Variants in SV2C observed in about 807,000 individuals in gnomAD.
SV2C encodes synaptic vesicle glycoprotein 2C, also known as solute carrier family 22 member B3.
SV2C carries 49 observed loss-of-function variants against 79.7 expected under a neutral mutation model. That is an observed-to-expected ratio of 0.61 (90% CI 0.49 to 0.78). The LOEUF (loss-of-function observed/expected upper bound fraction) is 0.78. Ranked by LOEUF, SV2C falls within the 30% of genes least tolerant of loss-of-function variation. The probability of loss-of-function intolerance (pLI) is 0.00; values close to 1 mark genes in which losing one functional copy is unlikely to be tolerated. For missense variants in SV2C, 833 were observed against 912.9 expected (o/e 0.91, Z 1.13); for synonymous variants, 334 against 333.2 (o/e 1.00, Z -0.03).
chr5:75,864,502 GTTATACTCCTTTT>G, the SV2C span, among the ~76,000 whole-genome samples: 6 of 152,278 alleles, frequency 3.9e-5, no homozygotes, highest in East Asian at 1.2e-3. Context: ...TGTTACATCT[GTTATACTCCTTTT>G]TCCTGACTGG....
chr5:75,927,628 G>A, the SV2C span, among the ~76,000 whole-genome samples: 2 of 152,142 alleles, frequency 1.3e-5, no homozygotes, highest in African/African-American at 4.8e-5. Flanking sequence ...CTAAATGGAA[G>A]AGGATAATCT....
chr5:76,032,931 T>C, the SV2C span, among the ~76,000 whole-genome samples: 2 of 152,242 alleles, frequency 1.3e-5, no homozygotes, highest in African/African-American at 2.4e-5. Flanking sequence ...TTTTTAATGA[T>C]TGCCATTCTA....
At chr5:76,116,431 A>G (rs1176745498) in intron 1 of SV2C, among the ~76,000 whole-genome samples, 1 of 152,184 alleles carries the variant, frequency 6.6e-6, no homozygotes, top group African/African-American at 2.4e-5. Flanking sequence ...TTTTAAACCC[A>G]GGAGAGGGAA....
At chr5:75,900,135 A>T in the SV2C span, among the ~76,000 whole-genome samples, 1 of 152,140 alleles carries the variant, frequency 6.6e-6, no homozygotes, top group Non-Finnish European at 1.5e-5. Flanking sequence ...TTTGCTTGTT[A>T]GTTGATGCAG....
intron 12 of SV2C, among the ~76,000 whole-genome samples, chr5:76,317,422 C>G (rs1395442569): frequency 1.3e-5 from 2 of 151,198 alleles, no homozygotes; most frequent in Admixed American, 1.3e-4. Flanking sequence ...TTATTCTAGA[C>G]AAAAAGAACC....
rs191864971 is a variant in SV2C at position 76,302,888 on chromosome 5, A to T, written c.2000+1343A>T. 4.8e-4 allele frequency among the ~76,000 whole-genome samples: 73 copies of T among 152,276 alleles called. No individual in the cohort carries two copies. In the East Asian group the frequency reaches 0.014, roughly 29 times the overall value. ...TATTATCTGGACTTTGAAATGTAGG[A>T]GAGTTTTTTCCTAGAACTATGCCAA... is the stretch of plus-strand genomic sequence containing the variant. On this transcript the variant is annotated intron_variant, in intron 12 of 12. Coordinates refer to ENST00000502798, the MANE Select transcript of SV2C (RefSeq NM_014979.4).
chr5:76,220,392 C>T (rs529076501), intron 4 of SV2C, among the ~76,000 whole-genome samples: 2 of 152,188 alleles, frequency 1.3e-5, no homozygotes, highest in Non-Finnish European at 1.5e-5. Flanking sequence ...GAATTGACAG[C>T]CGGGTGCAGT....
At chr5:76,218,989 A>G (rs1051055700) in intron 4 of SV2C, among the ~76,000 whole-genome samples, 1 of 152,256 alleles carries the variant, frequency 6.6e-6, no homozygotes, top group African/African-American at 2.4e-5. Flanking sequence ...AGTTGTGGAG[A>G]TGGATAAGAA....
the SV2C span, among the ~76,000 whole-genome samples, chr5:76,053,112 CAA>C: frequency 6.4e-5 from 9 of 139,538 alleles, no homozygotes; most frequent in Non-Finnish European, 9.5e-5. Context: ...CAATATGGGC[CAA>C]AAAAAAAAAA....
intron 2 of SV2C, among the ~76,000 whole-genome samples, chr5:76,133,477 A>G (rs1748971271): frequency 6.6e-6 from 1 of 152,226 alleles, no homozygotes; most frequent in Non-Finnish European, 1.5e-5. Flanking sequence ...GTGACAACAC[A>G]AGAGAGATAC....
At chr5:76,300,459 A>G (rs1408597198) in intron 10 of SV2C, among the ~76,000 whole-genome samples, 2 of 152,196 alleles carry the variant, frequency 1.3e-5, no homozygotes, top group African/African-American at 4.8e-5. Context: ...ATGGCCGACC[A>G]TAGGAAATCA....
chr5:76,200,536 C>T (rs1744410689), intron 3 of SV2C, among the ~76,000 whole-genome samples: 1 of 152,226 alleles, frequency 6.6e-6, no homozygotes, highest in Non-Finnish European at 1.5e-5. Context: ...AAAAATGCTA[C>T]AGATTTCCAG....
chr5:75,898,387 T>C, the SV2C span, among the ~76,000 whole-genome samples: 856 of 152,342 alleles, frequency 5.6e-3, 3 homozygotes, highest in African/African-American at 0.019. Flanking sequence ...TTTGCTTATA[T>C]TGAACCAGCC....
At chr5:76,113,223 C>T (rs1285743906) in intron 1 of SV2C, among the ~76,000 whole-genome samples, 1 of 152,240 alleles carries the variant, frequency 6.6e-6, no homozygotes. Flanking sequence ...CGACCTCACT[C>T]CATAATATCA....
the SV2C span, among the ~76,000 whole-genome samples, chr5:75,869,983 A>G: frequency 1.3e-5 from 2 of 152,170 alleles, no homozygotes; most frequent in Non-Finnish European, 2.9e-5. Context: ...TACAGCCTAT[A>G]TTACAACACT....
chr5:75,913,018 G>C, the SV2C span, among the ~76,000 whole-genome samples: 2 of 152,178 alleles, frequency 1.3e-5, no homozygotes, highest in African/African-American at 4.8e-5. Flanking sequence ...AAGAATCCAA[G>C]AATGGCCCTC....
intron 12 of SV2C, among the ~76,000 whole-genome samples, chr5:76,344,179 C>T (rs1580090874): frequency 6.6e-6 from 1 of 152,142 alleles, no homozygotes; most frequent in African/African-American, 2.4e-5. Context: ...TTTATGATTC[C>T]TTCTGAAGTG....
rs543252020 is a variant in SV2C, at chr5:76,102,345, C to T, written c.-102+18833C>T. Among the ~76,000 whole-genome samples the T allele has an allele frequency of 3.3e-5, 5 of 152,282 alleles. No homozygotes were observed. In the South Asian group the frequency reaches 1.0e-3, roughly 32 times the overall value. Reference sequence around the variant, plus strand: ...CCAGATCACATAGCTAACTCTCACTCATCCTTCAGGACTCAACTAAAGATG... The same window carrying T: ...CCAGATCACATAGCTAACTCTCACTTATCCTTCAGGACTCAACTAAAGATG... On this transcript the variant is annotated intron_variant, in intron 1 of 12. Coordinates refer to ENST00000502798, the MANE Select transcript of SV2C (RefSeq NM_014979.4).
chr5:76,014,173 A>G, the SV2C span, among the ~76,000 whole-genome samples: 5 of 98,394 alleles, frequency 5.1e-5, no homozygotes, highest in African/African-American at 1.8e-4. Flanking sequence ...AGGAAGGAAG[A>G]AAGAAAGAAA....
Sources: gnomAD v4.1 joint callset for allele counts (sites outside exome capture counted in the v4.1 genomes callset) on GRCh38, gnomAD v4.1.1 for gene constraint, MANE v1.5 for transcripts, NCBI Gene and HGNC (gene_info 2026-07-23, HGNC 2026-07-21) for gene names.